CCDC148: variants seen among roughly 807,000 people sequenced by gnomAD.
CCDC148 encodes coiled-coil domain-containing protein 148.
In CCDC148, 89 loss-of-function variants were observed where a neutral mutation model predicts 85.7. The ratio of observed to expected loss-of-function variants is 1.04; its 90% confidence interval spans 0.87 to 1.24. The LOEUF (loss-of-function observed/expected upper bound fraction) is 1.24. Ranked by LOEUF, CCDC148 falls within the 50% of genes most tolerant of loss-of-function variation. The pLI is 0.00. For missense variants in CCDC148, 692 were observed against 671.7 expected, an observed-to-expected ratio of 1.03 and a Z score of -0.33; for synonymous variants, 230 against 213.9, an observed-to-expected ratio of 1.08 and a Z score of -0.66.
chr2:158,202,529 G>C (rs11675532), intron 11 of CCDC148, among the ~76,000 whole-genome samples: 72,806 of 152,080 alleles, frequency 0.48, 17,908 homozygotes, highest in East Asian at 0.69. Flanking sequence ...CATCCTGCTA[G>C]ACCTGGGGTC....
At chr2:158,374,856 G>T (rs979651019) in intron 1 of CCDC148, among the ~76,000 whole-genome samples, 1 of 151,778 alleles carries the variant, frequency 6.6e-6, no homozygotes, top group African/African-American at 2.4e-5. Context: ...ATAGAAAATG[G>T]TGTAGTTTTG....
chr2:158,388,101 C>T (rs1685164462), intron 1 of CCDC148, among the ~76,000 whole-genome samples: 1 of 152,166 alleles, frequency 6.6e-6, no homozygotes, highest in African/African-American at 2.4e-5. Context: ...TGCACATCAA[C>T]AGAAATTCTC....
intron 11 of CCDC148, among the ~76,000 whole-genome samples, chr2:158,217,403 CAT>C (rs1470091059): frequency 1.6e-5 from 2 of 124,236 alleles, no homozygotes; most frequent in East Asian, 2.4e-4. Context: ...TACACACACA[CAT>C]ACATTTCATT....
chr2:158,234,956 T>C (rs188565537), intron 10 of CCDC148, among the ~76,000 whole-genome samples: 2 of 152,180 alleles, frequency 1.3e-5, no homozygotes, highest in Admixed American at 1.3e-4. Context: ...TACTTTATAA[T>C]TACACAATGG....
intron 2 of CCDC148, among the ~76,000 whole-genome samples, chr2:158,354,681 C>T (rs1297017110): frequency 6.6e-6 from 1 of 151,952 alleles, no homozygotes; most frequent in East Asian, 1.9e-4. Flanking sequence ...CCTTCTGAAA[C>T]TATTCCAATC....
At chr2:158,173,133 C>T (rs551809513) in intron 13 of CCDC148, among the ~76,000 whole-genome samples, 3 of 152,058 alleles carry the variant, frequency 2.0e-5, no homozygotes, top group East Asian at 1.9e-4. Context: ...TGGCGGCATG[C>T]GGATGGTCTC....
intron 1 of CCDC148, among the ~76,000 whole-genome samples, chr2:158,386,943 A>C (rs1307374696): frequency 1.3e-5 from 2 of 152,166 alleles, no homozygotes; most frequent in African/African-American, 4.8e-5. Context: ...TCTGGCAAGC[A>C]ATTCAAACTC....
At chr2:158,388,557 C>T (rs1189759758) in intron 1 of CCDC148, among the ~76,000 whole-genome samples, 1 of 152,044 alleles carries the variant, frequency 6.6e-6, no homozygotes, top group African/African-American at 2.4e-5. Flanking sequence ...TGCAATGGTG[C>T]AATCTTGGCT....
At chr2:158,256,389 TAGAG>T (rs1291885690) in intron 9 of CCDC148, among the ~76,000 whole-genome samples, 1 of 151,744 alleles carries the variant, frequency 6.6e-6, no homozygotes, top group African/African-American at 2.4e-5. Flanking sequence ...TTTCCTTAGA[TAGAG>T]AGATCATAAT....
intron 1 of CCDC148, among the ~76,000 whole-genome samples, chr2:158,431,040 CAG>C (rs1411395818): frequency 6.6e-6 from 1 of 150,648 alleles, no homozygotes; most frequent in East Asian, 2.0e-4. Flanking sequence ...AAATGAAACA[CAG>C]AGAGAAAAAA....
intron 9 of CCDC148, among the ~76,000 whole-genome samples, chr2:158,252,590 T>C (rs1170674360): frequency 3.3e-5 from 5 of 151,702 alleles, no homozygotes; most frequent in Non-Finnish European, 7.4e-5. Context: ...CTGTTGACCA[T>C]TGCTTTATGC....
intron 9 of CCDC148, among the ~76,000 whole-genome samples, chr2:158,296,674 ATAAAGAACATT>A (rs1343367162): frequency 2.0e-5 from 3 of 152,256 alleles, no homozygotes; most frequent in African/African-American, 7.2e-5. Context: ...GGCTCTCATT[ATAAAGAACATT>A]TAAAAAGTAC....
At chr2:158,406,924 G>A (rs371690251) in intron 1 of CCDC148, among the ~76,000 whole-genome samples, 4 of 151,868 alleles carry the variant, frequency 2.6e-5, no homozygotes, top group East Asian at 3.9e-4. Context: ...CGCTCAGCCT[G>A]GCACATTACA....
intron 9 of CCDC148, among the ~76,000 whole-genome samples, chr2:158,306,879 C>A (rs190997849): frequency 6.6e-6 from 1 of 150,574 alleles, no homozygotes; most frequent in East Asian, 2.0e-4. Flanking sequence ...ATCAGCCAGG[C>A]GTGGTTGCAG....
intron 7 of CCDC148, among the ~76,000 whole-genome samples, chr2:158,327,289 T>G (rs10189377): frequency 0.17 from 25,592 of 152,104 alleles, 3,470 homozygotes; most frequent in African/African-American, 0.38. Context: ...ACCTGTTTTC[T>G]CCACACTCTT....
intron 10 of CCDC148, among the ~76,000 whole-genome samples, chr2:158,238,746 T>G (rs1254800519): frequency 6.6e-6 from 1 of 152,118 alleles, no homozygotes; most frequent in South Asian, 2.1e-4. Flanking sequence ...TAAAGAGTTT[T>G]AAGATTATCA....
intron 9 of CCDC148, among the ~76,000 whole-genome samples, chr2:158,268,931 T>G (rs1689585297): frequency 6.6e-6 from 1 of 152,212 alleles, no homozygotes; most frequent in East Asian, 1.9e-4. Context: ...ACTATTCTGT[T>G]GGATATACAC....
chr2:158,209,608 C>T (rs1000060742), intron 11 of CCDC148, among the ~76,000 whole-genome samples: 14 of 152,132 alleles, frequency 9.2e-5, no homozygotes, highest in African/African-American at 3.1e-4. Flanking sequence ...AGACTAACAG[C>T]GGATCTCTCT....
intron 9 of CCDC148, among the ~76,000 whole-genome samples, chr2:158,297,354 A>G (rs1481303038): frequency 1.3e-5 from 2 of 152,168 alleles, no homozygotes; most frequent in Non-Finnish European, 1.5e-5. Context: ...TTGACATATC[A>G]TTATTATATG....
Sources: allele counts gnomAD v4.1 joint callset (sites outside exome capture counted in the v4.1 genomes callset), GRCh38; gene constraint gnomAD v4.1.1; transcripts MANE v1.5; gene names NCBI Gene and HGNC (gene_info 2026-07-23, HGNC 2026-07-21).